The following PHACTR2 variants were observed in gnomAD, a reference collection of about 807,000 sequenced individuals.
PHACTR2 encodes the protein chromosome 6 open reading frame 56.
Under a neutral mutation model 76.0 loss-of-function variants are expected in PHACTR2, and 30 were observed. That is an observed-to-expected ratio of 0.39 (90% CI 0.30 to 0.54). The LOEUF (loss-of-function observed/expected upper bound fraction) is 0.54. Among genes scored for constraint, PHACTR2 ranks in the 20% least tolerant of loss-of-function variants. The pLI is 0.61. For synonymous variants in PHACTR2, 292 were observed against 292.5 expected (o/e 1.00, Z 0.02); for missense variants, 696 against 781.1 (o/e 0.89, Z 1.30).
Position 143,683,937 on chromosome 6 carries a change from T to A in PHACTR2, c.46+5728T>A, listed in dbSNP as rs898359871. Among the ~76,000 whole-genome samples the A allele has an allele frequency of 6.6e-6, 1 of 152,228 alleles. No individual in the cohort carries two copies. The highest frequency in any genetic ancestry group is 1.5e-5 in the Non-Finnish European group (1 of 68,040). ...GTCAAACAAGACATACTATACTTAC[T>A]GCTCTATACTTTGAATTTTTCGTGT... On this transcript the variant is annotated intron_variant, in intron 1 of 12. Coordinates refer to ENST00000440869, the MANE Select transcript of PHACTR2 (RefSeq NM_001100164.2). The surrounding 1 kb of genome is among the most constrained non-coding windows in gnomAD (Gnocchi z 4.1).
At chr6:143,605,035 A>C (rs887572668), upstream of PHACTR2, among the ~76,000 whole-genome samples, 1 of 151,782 alleles carries the variant, frequency 6.6e-6, no homozygotes, top group Non-Finnish European at 1.5e-5. This position sits in a 1 kb window ranked among gnomAD's most constrained non-coding sequence, Gnocchi z 5.0. Context: ...ATGCGTTTGA[A>C]GACTCAGGGC....
Position 143,592,006 on chromosome 6 carries a change from A to G in PHACTR2, c.217+54799A>G, listed in dbSNP as rs184359636. Reference sequence around the variant, plus strand: ...ATGGCTGTTTGTGGGTTGTGTTGACAGAAGTGCATTTGTGGATATGAGAGG... The same window carrying G: ...ATGGCTGTTTGTGGGTTGTGTTGACGGAAGTGCATTTGTGGATATGAGAGG... On this transcript the variant is annotated intron_variant, in intron 1 of 11. Coordinates refer to the PHACTR2 transcript ENST00000367584. This position sits in a 1 kb window ranked among gnomAD's most constrained non-coding sequence, Gnocchi z 4.0. 4.1e-4 allele frequency among the ~76,000 whole-genome samples: 62 copies of G among 152,294 alleles called. No homozygotes were observed. Among genetic ancestry groups the G allele is most frequent in the African/African-American group, 1.4e-3 (58 of 41,558 alleles).
rs1393218211 is a variant in PHACTR2, at chr6:143,789,040, ATTAT to A, written c.1845+134_1845+137del. 4.1e-6 allele frequency: 3 copies of A among 734,210 alleles called. No individual in the cohort carries two copies. In the African/African-American group the frequency reaches 5.2e-5, roughly 13 times the overall value. The allele number at this position is 734,210 out of a possible 1,614,324, so 45.5% of individuals were successfully genotyped here. A position where few individuals can be genotyped will look rare whatever the true frequency, so the allele number is the denominator to read the frequency against. On this transcript the variant is annotated intron_variant, in intron 11 of 12. Transcript: ENST00000440869. The surrounding 1 kb of genome is among the most constrained non-coding windows in gnomAD (Gnocchi z 5.1). ...ATATTACAACAGTTTTCTGCCTCTG[ATTAT>A]TTAAGCCACTTAAGTGATACATTTA...
At chr6:143,727,184 C>T (rs978412906) in intron 2 of PHACTR2, among the ~76,000 whole-genome samples, 31 of 152,110 alleles carry the variant, frequency 2.0e-4, no homozygotes, top group Admixed American at 2.0e-3. Flanking sequence ...TTTAAACTCC[C>T]ACCTATGAGT....
intron 1 of PHACTR2, among the ~76,000 whole-genome samples, chr6:143,588,092 G>T (rs951079422): frequency 6.6e-6 from 1 of 150,574 alleles, no homozygotes; most frequent in Non-Finnish European, 1.5e-5. Context: ...AATATTACTG[G>T]CAGTGAAAGA....
chr6:143,586,760 T>C (rs956974413), intron 1 of PHACTR2, among the ~76,000 whole-genome samples: 2 of 152,230 alleles, frequency 1.3e-5, no homozygotes, highest in Admixed American at 1.3e-4. Flanking sequence ...GGTGTTGCCA[T>C]GGTACTGGTA....
intron 1 of PHACTR2, among the ~76,000 whole-genome samples, chr6:143,601,166 A>C (rs1337608545): frequency 6.6e-6 from 1 of 152,240 alleles, no homozygotes; most frequent in Non-Finnish European, 1.5e-5. Context: ...AATGTTCAAA[A>C]AATGAAAGCT....
Position 143,765,867 on chromosome 6 carries a change from G to A in PHACTR2, c.1232+69G>A. The A allele has an allele frequency of 7.5e-7, 1 of 1,330,134 alleles. No individual in the cohort carries two copies. The highest frequency in any genetic ancestry group is 1.0e-6 in the Non-Finnish European group (1 of 959,446). The allele number at this position is 1,330,134 out of a possible 1,614,324, so 82.4% of individuals were successfully genotyped here. On this transcript the variant is annotated intron_variant, in intron 6 of 12. Transcript: ENST00000440869. This position sits in a 1 kb window ranked among gnomAD's most constrained non-coding sequence, Gnocchi z 4.1. ...ATCACTAATATATTCTGTTGGAAAT[G>A]AAGCACCGGGTTTGCTTTCTTATAT...
chr6:143,737,345 A>G (rs1778845277), intron 2 of PHACTR2, among the ~76,000 whole-genome samples: 1 of 151,778 alleles, frequency 6.6e-6, no homozygotes, highest in South Asian at 2.1e-4. Context: ...TGTATTGCCC[A>G]GGGTGGTCTC....
intron 6 of PHACTR2, among the ~76,000 whole-genome samples, chr6:143,770,986 T>C (rs1356205022): frequency 5.5e-5 from 8 of 146,698 alleles, no homozygotes; most frequent in Non-Finnish European, 1.5e-5. Flanking sequence ...TCATATTACC[T>C]TTTTTCTAAA....
chr6:143,817,623 T>G (rs865908584), intron 12 of PHACTR2, among the ~76,000 whole-genome samples: 1 of 152,180 alleles, frequency 6.6e-6, no homozygotes, highest in South Asian at 2.1e-4. Flanking sequence ...AGAACTTGAA[T>G]GGATAATGAA....
At chr6:143,747,247 T>G (rs1482774231) in intron 2 of PHACTR2, among the ~76,000 whole-genome samples, 1 of 152,180 alleles carries the variant, frequency 6.6e-6, no homozygotes. Flanking sequence ...GCAACCAGGA[T>G]TTAAAAAGGA....
Position 143,580,901 on chromosome 6 carries a change from C to A in PHACTR2, c.217+43694C>A, listed in dbSNP as rs1030964246. Among the ~76,000 whole-genome samples, 1 of 152,096 alleles carries A rather than the reference C, an allele frequency of 6.6e-6. No individual in the cohort carries two copies. Among genetic ancestry groups the A allele is most frequent in the Non-Finnish European group, 1.5e-5 (1 of 68,008 alleles). The stretch of plus-strand genomic sequence containing the variant: ...AACTGGGAGGTGGGTGCTAAAACTT[C>A]TAGGGTGGGAGAGAGAGTGACACCA... On this transcript the variant is annotated intron_variant, in intron 1 of 11. Transcript: ENST00000367584. This position sits in a 1 kb window ranked among gnomAD's most constrained non-coding sequence, Gnocchi z 4.2.
chr6:143,577,667 A>C (rs1354075596), intron 1 of PHACTR2, among the ~76,000 whole-genome samples: 1 of 152,140 alleles, frequency 6.6e-6, no homozygotes, highest in Non-Finnish European at 1.5e-5. Context: ...CAGACATTTG[A>C]ACTACAGCCT....
At chr6:143,740,285 T>C (rs1778910075) in intron 2 of PHACTR2, among the ~76,000 whole-genome samples, 1 of 152,084 alleles carries the variant, frequency 6.6e-6, no homozygotes, top group Non-Finnish European at 1.5e-5. Flanking sequence ...TTAGCTGGCT[T>C]CTTTATTGCA....
In PHACTR2 at chr6:143,610,514, T is replaced by G. The variant is rs547252821; in HGVS notation, c.13+2192T>G. ...CTAGCAAGGCTTTCTGTGTGGGAGT[T>G]TGGATAATTGACAGGCAGAAGCACA... On this transcript the variant is annotated intron_variant, in intron 1 of 11. Coordinates refer to the PHACTR2 transcript ENST00000305766. This position sits in a 1 kb window ranked among gnomAD's most constrained non-coding sequence, Gnocchi z 4.9. Among the ~76,000 whole-genome samples the G allele has an allele frequency of 9.2e-5, 14 of 152,224 alleles. No individual in the cohort carries two copies. The highest frequency in any genetic ancestry group is 3.1e-4 in the African/African-American group (13 of 41,538).
rs35628481 is a variant in PHACTR2, at chr6:143,689,696, C to CT, written c.46+11501dup. Among the ~76,000 whole-genome samples the CT allele has an allele frequency of 0.24, 33,001 of 139,386 alleles. 4,100 individuals carry two copies. The highest frequency in any genetic ancestry group is 0.33 in the Middle Eastern group (89 of 268). 91.4% of individuals were successfully genotyped at this position (139,386 alleles called of 152,430 possible). A position where few individuals can be genotyped will look rare whatever the true frequency, so the allele number is the denominator to read the frequency against. On this transcript the variant is annotated intron_variant, in intron 1 of 12. Transcript: ENST00000440869. The surrounding 1 kb of genome is among the most constrained non-coding windows in gnomAD (Gnocchi z 4.4). ...TTCCCATTTTCTCATCTTCTCAAGT[C>CT]TTTTTTTTTTTTTTGAGATGGAGTG...
At chr6:143,660,949 A>C (rs1776936950) in intron 1 of PHACTR2, among the ~76,000 whole-genome samples, 1 of 152,216 alleles carries the variant, frequency 6.6e-6, no homozygotes, top group South Asian at 2.1e-4. Flanking sequence ...AAAAATCTAA[A>C]TAGAAGATGG....
rs891762663 is a variant in PHACTR2 at position 143,700,473 on chromosome 6, T to C, written c.47-11543T>C. Among the ~76,000 whole-genome samples the C allele has an allele frequency of 1.1e-4, 16 of 152,134 alleles. No homozygotes were observed. The highest frequency in any genetic ancestry group is 2.1e-4 in the Non-Finnish European group (14 of 68,024). Reference sequence around the variant, plus strand: ...GGGAGGCTGAGGCAAGAGAATCACTTGGACCCAGGAGCCGGAGGTTGCAGT... The same window carrying C: ...GGGAGGCTGAGGCAAGAGAATCACTCGGACCCAGGAGCCGGAGGTTGCAGT... On this transcript the variant is annotated intron_variant, in intron 1 of 12. Coordinates refer to ENST00000440869, the MANE Select transcript of PHACTR2 (RefSeq NM_001100164.2). The surrounding 1 kb of genome is among the most constrained non-coding windows in gnomAD (Gnocchi z 4.1).
Sources: allele counts gnomAD v4.1 joint callset (sites outside exome capture counted in the v4.1 genomes callset), GRCh38; gene constraint gnomAD v4.1.1; non-coding constraint Gnocchi (gnomAD v3.1); transcripts MANE v1.5; gene names NCBI Gene and HGNC (gene_info 2026-07-23, HGNC 2026-07-21).